The following CNTN1 variants were observed in gnomAD, a reference collection of about 807,000 sequenced individuals.
The protein encoded by CNTN1 is contactin 1, also known as contactin-1.
Under a neutral mutation model 126.4 loss-of-function variants are expected in CNTN1, and 38 were observed. That is an observed-to-expected ratio of 0.30 (90% confidence interval 0.23 to 0.39). The LOEUF (loss-of-function observed/expected upper bound fraction) is 0.39. Ranked by LOEUF, CNTN1 falls within the 10% of genes least tolerant of loss-of-function variation. CNTN1 has a pLI of 1.00. For synonymous variants in CNTN1, 413 were observed against 422.6 expected (o/e 0.98, Z 0.28); for missense variants, 1,009 against 1,248.4 (o/e 0.81, Z 2.89).
intron 12 of CNTN1, among the ~76,000 whole-genome samples, chr12:40,942,556 T>G (rs1278168580): frequency 6.6e-6 from 1 of 152,124 alleles, no homozygotes; most frequent in Admixed American, 6.6e-5. Context: ...AAGAACAGCC[T>G]GTGGAATGTG....
intron 1 of CNTN1, among the ~76,000 whole-genome samples, chr12:40,871,186 GAAAAAAA>G (rs201485882): frequency 8.8e-6 from 1 of 113,556 alleles, no homozygotes; most frequent in East Asian, 3.9e-4. Flanking sequence ...CTGTTACAGA[GAAAAAAA>G]AAAAAAAAAA....
At chr12:40,881,283 G>T (rs1010310009) in intron 1 of CNTN1, among the ~76,000 whole-genome samples, 6 of 151,950 alleles carry the variant, frequency 3.9e-5, no homozygotes, top group East Asian at 3.9e-4. Flanking sequence ...GAATGAACAC[G>T]TACTATGGCT....
At position 40,867,244 on chromosome 12, in the gene CNTN1, C is replaced by A. The variant is rs12372373; in HGVS notation, c.-76-41113C>A. Among the ~76,000 whole-genome samples, 1,154 of 152,212 alleles carry A rather than the reference C, an allele frequency of 7.6e-3. 7 individuals carry two copies. The highest frequency in any genetic ancestry group is 0.012 in the Non-Finnish European group (848 of 67,992). On this transcript the variant is annotated intron_variant, in intron 1 of 23. Coordinates refer to ENST00000551295, the MANE Select transcript of CNTN1 (RefSeq NM_001843.4). Reference sequence around the variant, plus strand: ...TCTAGTGACATAGAAACTAAAAAGACAAGGTCTCCCCACACCCCATCTGCA... The same window carrying A: ...TCTAGTGACATAGAAACTAAAAAGAAAAGGTCTCCCCACACCCCATCTGCA...
chr12:40,864,344 C>T (rs1943226841), intron 1 of CNTN1, among the ~76,000 whole-genome samples: 1 of 151,838 alleles, frequency 6.6e-6, no homozygotes, highest in Admixed American at 6.6e-5. Context: ...CTTTTAATAA[C>T]TTTATTGAGA....
At position 40,980,448 on chromosome 12, in the gene CNTN1, C is replaced by CAAAAAAAAAAAAAAAA; in HGVS notation, c.1805-460_1805-445dup. Among the ~76,000 whole-genome samples the CAAAAAAAAAAAAAAAA allele has an allele frequency of 2.3e-5, 3 of 128,598 alleles. 1 individual carries two copies. Among genetic ancestry groups the CAAAAAAAAAAAAAAAA allele is most frequent in the Non-Finnish European group, 4.9e-5 (3 of 61,532 alleles). 84.4% of individuals were successfully genotyped at this position (128,598 alleles called of 152,430 possible). ...TGGGTGACAGAGTGAGACCCTAACT[C>CAAAAAAAAAAAAAAAA]AAAAAAAAAAAAAAAAGCCACAAAG... On this transcript the variant is annotated intron_variant, in intron 15 of 23. Transcript: ENST00000551295.
At chr12:40,720,658 G>A (rs1942179317) in intron 1 of CNTN1, among the ~76,000 whole-genome samples, 1 of 152,114 alleles carries the variant, frequency 6.6e-6, no homozygotes, top group Non-Finnish European at 1.5e-5. Flanking sequence ...GCCAGGCGCG[G>A]TGGCTCATGT....
At chr12:41,065,729 C>T (rs1406032989) in intron 23 of CNTN1, among the ~76,000 whole-genome samples, 1 of 152,178 alleles carries the variant, frequency 6.6e-6, no homozygotes, top group Non-Finnish European at 1.5e-5. Context: ...AGAGCTGGGG[C>T]ATCATTGGTA....
At position 40,993,281 on chromosome 12, in the gene CNTN1, C is replaced by T. The variant is rs746608014; in HGVS notation, c.2113+12C>T. 6 of 1,610,992 alleles carry T rather than the reference C, an allele frequency of 3.7e-6. No individual in the cohort carries two copies. The highest frequency in any genetic ancestry group is 5.1e-6 in the Non-Finnish European group (6 of 1,177,632). On this transcript the variant is annotated intron_variant, in intron 17 of 23. Transcript: ENST00000551295. ...AACAGACGGTGCTGGTATGTATATACAAGAAACTTGAAATTTTAAAAGATT... is the reference window on the plus strand; with the variant it reads ...AACAGACGGTGCTGGTATGTATATATAAGAAACTTGAAATTTTAAAAGATT...
intron 6 of CNTN1, among the ~76,000 whole-genome samples, chr12:40,925,973 A>T (rs140603936): frequency 2.6e-5 from 4 of 150,972 alleles, no homozygotes; most frequent in Non-Finnish European, 5.9e-5. Flanking sequence ...TACTGGATGG[A>T]CTTCACTGCA....
At chr12:40,712,819 A>T (rs1264392644) in intron 1 of CNTN1, among the ~76,000 whole-genome samples, 1 of 152,084 alleles carries the variant, frequency 6.6e-6, no homozygotes, top group Non-Finnish European at 1.5e-5. Flanking sequence ...GTTCCCCAAA[A>T]CCTCATTTTG....
intron 1 of CNTN1, among the ~76,000 whole-genome samples, chr12:40,701,672 A>T (rs1371119135): frequency 1.3e-5 from 2 of 152,114 alleles, no homozygotes; most frequent in African/African-American, 4.8e-5. Flanking sequence ...CTTTTGGTCT[A>T]CTTATATTAT....
At chr12:40,863,926 T>TCCTTCCTTCCTC (rs760801289) in intron 1 of CNTN1, among the ~76,000 whole-genome samples, 11,412 of 128,752 alleles carry the variant, frequency 0.089, 853 homozygotes, top group African/African-American at 0.2. Context: ...CTTCCTTCCT[T>TCCTTCCTTCCTC]CCTCCCTCCC....
chr12:41,060,894 T>C (rs1949925693), intron 23 of CNTN1, among the ~76,000 whole-genome samples: 3 of 152,196 alleles, frequency 2.0e-5, no homozygotes, highest in South Asian at 4.1e-4. Flanking sequence ...CAAATATCTT[T>C]TTAAATGAAT....
intron 1 of CNTN1, among the ~76,000 whole-genome samples, chr12:40,846,864 T>TA (rs1263019358): frequency 6.6e-6 from 1 of 151,586 alleles, no homozygotes; most frequent in African/African-American, 2.4e-5. Flanking sequence ...GTTATTTTTT[T>TA]TTATTATTTT....
intron 19 of CNTN1, 59 bp from the exon 20 acceptor site, chr12:41,020,278 T>C: frequency 9.2e-7 from 1 of 1,091,656 alleles, no homozygotes; most frequent in Admixed American, 1.8e-5. Context: ...AATGATGCTA[T>C]TCGAATTTCT....
At chr12:40,844,159 C>T (rs1942407148) in intron 1 of CNTN1, among the ~76,000 whole-genome samples, 1 of 146,396 alleles carries the variant, frequency 6.8e-6, no homozygotes, top group Admixed American at 7.2e-5. Context: ...CCTCCGCCTC[C>T]AGGGTTCAAG....
chr12:41,013,671 G>C (rs2120724230), intron 17 of CNTN1, among the ~76,000 whole-genome samples: 1 of 152,254 alleles, frequency 6.6e-6, no homozygotes, highest in East Asian at 1.9e-4. Context: ...CTTTCTAGCA[G>C]GGAAACTGAT....
chr12:40,804,515 C>G (rs1484759927), intron 1 of CNTN1, among the ~76,000 whole-genome samples: 2 of 151,938 alleles, frequency 1.3e-5, no homozygotes, highest in Admixed American at 6.6e-5. Flanking sequence ...GGTTGCCTGA[C>G]CCCGTATTAG....
intron 17 of CNTN1, among the ~76,000 whole-genome samples, chr12:40,993,535 T>C (rs1948141681): frequency 1.4e-5 from 2 of 139,972 alleles, no homozygotes; most frequent in African/African-American, 5.7e-5. Context: ...AAGAGGTGAA[T>C]AGGAACTACT....
Sources: gnomAD v4.1 joint callset for allele counts (sites outside exome capture counted in the v4.1 genomes callset) on GRCh38, gnomAD v4.1.1 for gene constraint, MANE v1.5 for transcripts, NCBI Gene and HGNC (gene_info 2026-07-23, HGNC 2026-07-21) for gene names.